RHOBTB3: variants seen among roughly 807,000 people sequenced by gnomAD.
RHOBTB3 encodes Rho related BTB domain containing 3.
Under a neutral mutation model 67.2 loss-of-function variants are expected in RHOBTB3, and 47 were observed. The ratio of observed to expected loss-of-function variants is 0.70; its 90% CI spans 0.55 to 0.89. The LOEUF (loss-of-function observed/expected upper bound fraction) is 0.89. Among genes scored for constraint, RHOBTB3 ranks in the 40% least tolerant of loss-of-function variants. RHOBTB3 has a pLI of 0.00. For synonymous variants in RHOBTB3, 273 were observed against 274.2 expected (o/e 1.00, Z 0.04); for missense variants, 631 against 750.0 (o/e 0.84, Z 1.85).
intron 2 of RHOBTB3, among the ~76,000 whole-genome samples, chr5:95,736,478 C>T (rs2112776078): frequency 1.3e-5 from 2 of 152,346 alleles, no homozygotes; most frequent in South Asian, 4.1e-4. Context: ...GAAAATCCTG[C>T]AGTGTCTAAC....
intron 5 of RHOBTB3, among the ~76,000 whole-genome samples, chr5:95,754,959 T>G (rs532869288): frequency 6.6e-6 from 1 of 152,322 alleles, no homozygotes; most frequent in South Asian, 2.1e-4. Flanking sequence ...TTGGAACTTA[T>G]TCAGTACTTT....
intron 2 of RHOBTB3, among the ~76,000 whole-genome samples, chr5:95,734,044 G>A (rs1374765678): frequency 2.0e-5 from 3 of 152,150 alleles, no homozygotes; most frequent in Non-Finnish European, 4.4e-5. Flanking sequence ...AAACTAGCAC[G>A]TGTCAAGTTC....
chr5:95,787,877 A>G (rs1272491544), intron 10 of RHOBTB3, among the ~76,000 whole-genome samples: 1 of 152,244 alleles, frequency 6.6e-6, no homozygotes, highest in African/African-American at 2.4e-5. Flanking sequence ...GTTTAATGGT[A>G]CAGAGTTTCA....
rs186018426 is a variant in RHOBTB3, at chr5:95,778,761, T to C, written c.1283-1491T>C. Among the ~76,000 whole-genome samples, 51 of 152,386 alleles carry C rather than the reference T, an allele frequency of 3.3e-4. No individual in the cohort carries two copies. The East Asian group carries it at 3.5e-3, about 10-fold the overall frequency. ...AATGGCATGACCTGTTTGTATTCTT[T>C]ATTAACTGCTGTATACAAATACAGC... is the stretch of plus-strand genomic sequence containing the variant. On this transcript the variant is annotated intron_variant, in intron 8 of 11. Coordinates refer to ENST00000379982, the MANE Select transcript of RHOBTB3 (RefSeq NM_014899.4).
At chr5:95,769,309 G>A in intron 8 of RHOBTB3, 1 of 472,364 alleles carries the variant, frequency 2.1e-6, no homozygotes, top group South Asian at 1.6e-5. Flanking sequence ...GATGTTGCCA[G>A]TAACACAAAT....
At chr5:95,739,926 A>G (rs1755551636) in intron 3 of RHOBTB3, among the ~76,000 whole-genome samples, 1 of 152,198 alleles carries the variant, frequency 6.6e-6, no homozygotes, top group African/African-American at 2.4e-5. Context: ...ATCTCTTCAT[A>G]TGATAACCAC....
intron 9 of RHOBTB3, chr5:95,782,424 TG>T (rs1746077152): frequency 6.6e-6 from 1 of 152,174 alleles, no homozygotes; most frequent in Non-Finnish European, 1.5e-5. Flanking sequence ...AGTTTCAGTT[TG>T]GGAAGAAGAA....
rs1201807288 is a variant in RHOBTB3, at chr5:95,793,147, C to G, written c.1809C>G (p.Ser603=). The G allele has an allele frequency of 6.2e-7, 1 of 1,611,272 alleles. No homozygotes were observed. The highest frequency in any genetic ancestry group is 8.5e-7 in the Non-Finnish European group (1 of 1,178,366). Residue 603 remains serine, a synonymous_variant, in exon 12 of 12, where the codon TCC becomes TCG. Transcript: ENST00000379982. The part of the protein sequence containing the change: ...QLAEYRKYIH[S]RKCRCLVM Reference sequence around the variant, plus strand: ...CGGAATACAGGAAGTATATTCACTCCCGGAAATGTCGTTGCTTAGTAATGT... The same window carrying G: ...CGGAATACAGGAAGTATATTCACTCGCGGAAATGTCGTTGCTTAGTAATGT...
At chr5:95,786,368 G>A (rs952064258) in intron 10 of RHOBTB3, among the ~76,000 whole-genome samples, 21 of 152,188 alleles carry the variant, frequency 1.4e-4, no homozygotes, top group African/African-American at 5.1e-4. Context: ...TGTACTGTGT[G>A]TCAGGAAACA....
intron 10 of RHOBTB3, 102 bp downstream of exon 10, chr5:95,784,065 C>T: frequency 2.1e-6 from 2 of 972,796 alleles, no homozygotes; most frequent in Non-Finnish European, 2.8e-6. Context: ...TAATACTAGT[C>T]TTAGTTTGGA....
intron 8 of RHOBTB3, among the ~76,000 whole-genome samples, chr5:95,771,566 C>T (rs1352590649): frequency 6.6e-6 from 1 of 152,194 alleles, no homozygotes; most frequent in Non-Finnish European, 1.5e-5. Flanking sequence ...TTATATCATG[C>T]TTTCGTCATT....
chr5:95,737,113 A>C, intron 3 of RHOBTB3, 38 bp downstream of exon 3: 1 of 1,277,574 alleles, frequency 7.8e-7, no homozygotes, highest in African/African-American at 1.5e-5. Flanking sequence ...TGAGCATGCA[A>C]ATATTATATA....
intron 8 of RHOBTB3, among the ~76,000 whole-genome samples, chr5:95,775,407 TATATATATATATATAC>T (rs1243723258): frequency 2.5e-5 from 3 of 119,614 alleles, no homozygotes; most frequent in African/African-American, 9.1e-5. Flanking sequence ...TATATATGTG[TATATATATATATATAC>T]ACATATATAT....
chr5:95,791,064 G>A (rs1284446147), intron 11 of RHOBTB3, among the ~76,000 whole-genome samples: 1 of 152,160 alleles, frequency 6.6e-6, no homozygotes, highest in Non-Finnish European at 1.5e-5. Context: ...GTCACCTGAA[G>A]TTGGGAAAGT....
intron 2 of RHOBTB3, among the ~76,000 whole-genome samples, chr5:95,734,292 ATTT>A (rs112670036): frequency 6.7e-6 from 1 of 149,634 alleles, no homozygotes; most frequent in African/African-American, 2.4e-5. Flanking sequence ...AGAAATTCAG[ATTT>A]TTTTTTTTAA....
intron 2 of RHOBTB3, among the ~76,000 whole-genome samples, chr5:95,735,019 A>G (rs1382489478): frequency 2.0e-5 from 3 of 152,100 alleles, no homozygotes. Flanking sequence ...TTAGTTTTTT[A>G]TCTCATTTGT....
At chr5:95,735,953 A>T (rs1446602500) in intron 2 of RHOBTB3, among the ~76,000 whole-genome samples, 3 of 152,176 alleles carry the variant, frequency 2.0e-5, no homozygotes, top group African/African-American at 4.8e-5. Flanking sequence ...GTACAAAAAA[A>T]TTAGCCGGAA....
chr5:95,786,432 G>T (rs1746226461), intron 10 of RHOBTB3, among the ~76,000 whole-genome samples: 1 of 152,048 alleles, frequency 6.6e-6, no homozygotes, highest in South Asian at 2.1e-4. Flanking sequence ...TCACTTCTCT[G>T]TCCATTTTCC....
At chr5:95,742,928 A>G (rs1325763882) in intron 3 of RHOBTB3, among the ~76,000 whole-genome samples, 1 of 152,142 alleles carries the variant, frequency 6.6e-6, no homozygotes, top group East Asian at 1.9e-4. Flanking sequence ...AAAATTAGCC[A>G]GGCATGCTGG....
Sources: gnomAD v4.1 joint callset for allele counts (sites outside exome capture counted in the v4.1 genomes callset) on GRCh38, gnomAD v4.1.1 for gene constraint, MANE v1.5 for transcripts, NCBI Gene and HGNC (gene_info 2026-07-23, HGNC 2026-07-21) for gene names.